Variants in NTF3 observed in about 807,000 individuals in gnomAD.
The protein encoded by NTF3 is neurotrophin 3, also known as neurotrophin-3.
A neutral mutation model predicts 26.3 loss-of-function variants in NTF3; 8 were observed. The ratio of observed to expected loss-of-function variants is 0.30; its 90% CI spans 0.18 to 0.55. NTF3 has a LOEUF of 0.55. Ranked by LOEUF, NTF3 falls within the 20% of genes least tolerant of loss-of-function variation. The pLI, the probability that NTF3 is intolerant of heterozygous loss-of-function variation, is 0.93. For synonymous variants in NTF3, 154 were observed against 145.5 expected, an observed-to-expected ratio of 1.06 and a Z score of -0.42; for missense variants, 276 against 352.9, an observed-to-expected ratio of 0.78 and a Z score of 1.75.
chr12:5,464,261 G>C (rs1940560478), intron 1 of NTF3, among the ~76,000 whole-genome samples: 1 of 152,226 alleles, frequency 6.6e-6, no homozygotes, highest in Non-Finnish European at 1.5e-5. Flanking sequence ...GGGTAGAGAT[G>C]CCTGCTAATC....
intron 1 of NTF3, among the ~76,000 whole-genome samples, chr12:5,467,069 A>C (rs1940599147): frequency 6.6e-6 from 1 of 152,020 alleles, no homozygotes; most frequent in South Asian, 2.1e-4. Flanking sequence ...GTCTCTACTA[A>C]AAATACAAAA....
At chr12:5,487,639 C>T (rs1434370516) in intron 1 of NTF3, among the ~76,000 whole-genome samples, 5 of 152,056 alleles carry the variant, frequency 3.3e-5, no homozygotes, top group Non-Finnish European at 5.9e-5. Context: ...GATCTTGGGC[C>T]GAGGATTGAC....
At chr12:5,438,110 T>C (rs1023459296) in intron 1 of NTF3, among the ~76,000 whole-genome samples, 1 of 151,916 alleles carries the variant, frequency 6.6e-6, no homozygotes, top group Non-Finnish European at 1.5e-5. Context: ...AGTGTAGATA[T>C]TACCTCATTC....
At chr12:5,475,801 A>T (rs1281371195) in intron 1 of NTF3, among the ~76,000 whole-genome samples, 1 of 151,724 alleles carries the variant, frequency 6.6e-6, no homozygotes, top group African/African-American at 2.4e-5. Context: ...ATGCCCCTGC[A>T]CTCTAGACTG....
intron 1 of NTF3, among the ~76,000 whole-genome samples, chr12:5,449,655 G>A (rs184633986): frequency 2.6e-5 from 4 of 152,102 alleles, no homozygotes; most frequent in African/African-American, 4.8e-5. Flanking sequence ...CTTGCCTTGC[G>A]GGAGTAAGAA....
chr12:5,487,236 T>C (rs1203115831), intron 1 of NTF3, among the ~76,000 whole-genome samples: 1 of 152,232 alleles, frequency 6.6e-6, no homozygotes, highest in Non-Finnish European at 1.5e-5. Flanking sequence ...CCTTCCTCCC[T>C]GGAGCGGCTG....
chr12:5,483,681 G>T (rs1299289953), intron 1 of NTF3, among the ~76,000 whole-genome samples: 29 of 152,204 alleles, frequency 1.9e-4, no homozygotes, highest in Admixed American at 1.9e-3. Flanking sequence ...GGGTTGAGTG[G>T]TATTTCTATT....
intron 1 of NTF3, among the ~76,000 whole-genome samples, chr12:5,457,951 C>T (rs1940473107): frequency 6.6e-6 from 1 of 152,130 alleles, no homozygotes; most frequent in Non-Finnish European, 1.5e-5. Flanking sequence ...CTCGTCACCA[C>T]TGCCGCTACG....
chr12:5,463,472 T>C (rs946010108), intron 1 of NTF3, among the ~76,000 whole-genome samples: 2 of 151,974 alleles, frequency 1.3e-5, no homozygotes, highest in Middle Eastern at 3.4e-3. Context: ...GTGGAGGAGG[T>C]AGCCTTTGTG....
At chr12:5,450,713 T>C (rs1436102924) in intron 1 of NTF3, among the ~76,000 whole-genome samples, 1 of 152,244 alleles carries the variant, frequency 6.6e-6, no homozygotes, top group East Asian at 1.9e-4. Context: ...ATCTCATTTT[T>C]GCAGACAAAG....
chr12:5,490,235 G>A (rs1940918146), intron 1 of NTF3, among the ~76,000 whole-genome samples: 1 of 152,160 alleles, frequency 6.6e-6, no homozygotes, highest in South Asian at 2.1e-4. Flanking sequence ...GCCCATGCAG[G>A]CTCTCCAGCC....
At chr12:5,476,303 T>C (rs1940723270) in intron 1 of NTF3, among the ~76,000 whole-genome samples, 3 of 152,278 alleles carry the variant, frequency 2.0e-5, no homozygotes, top group Middle Eastern at 6.8e-3. Context: ...AGCTCCTACC[T>C]GAAGGACTCT....
intron 1 of NTF3, among the ~76,000 whole-genome samples, chr12:5,467,265 T>TAAAAAA (rs1940604144): frequency 8.0e-5 from 5 of 62,136 alleles, no homozygotes; most frequent in Non-Finnish European, 1.6e-4. Flanking sequence ...AAAAAAAAAG[T>TAAAAAA]CGGGGGCTTG....
chr12:5,486,983 AAC>A (rs1940874392), intron 1 of NTF3, among the ~76,000 whole-genome samples: 1 of 151,902 alleles, frequency 6.6e-6, no homozygotes, highest in Non-Finnish European at 1.5e-5. Context: ...GAGTTACCAA[AAC>A]AAATACCACT....
intron 1 of NTF3, among the ~76,000 whole-genome samples, chr12:5,464,945 T>C (rs953858612): frequency 1.3e-5 from 2 of 152,162 alleles, no homozygotes; most frequent in Admixed American, 6.5e-5. Context: ...CATTCACAGG[T>C]GAAATGACAT....
At chr12:5,432,046 G>A (rs1024028835), upstream of NTF3, 12 of 309,442 alleles carry the variant, frequency 3.9e-5, no homozygotes, top group African/African-American at 2.4e-4. Context: ...GGGTTAAGGC[G>A]CTGAGCGCGG....
rs1437426553 is a variant in NTF3 at position 5,494,649 on chromosome 12, C to T, written c.474C>T (p.His158=). The T allele has an allele frequency of 6.2e-7, 1 of 1,614,132 alleles. No homozygotes were observed. Among genetic ancestry groups the T allele is most frequent in the East Asian group, 2.2e-5 (1 of 44,884 alleles). The change falls in exon 2 of 2, where the codon CAC becomes CAT. Residue 158 remains histidine (H), a synonymous_variant. Coordinates refer to ENST00000423158, the MANE Select transcript of NTF3 (RefSeq NM_001102654.2). This position sits in a 1 kb window ranked among gnomAD's most constrained non-coding sequence, Gnocchi z 8.3. ...AACGGTACGCGGAGCATAAGAGTCA[C>T]CGAGGGGAGTACTCGGTATGTGACA... The part of the protein sequence containing the change: ...RRKRYAEHKS[H]RGEYSVCDSE...
Position 5,432,138 on chromosome 12 carries a change from A to G in NTF3, c.-187A>G. ...GAGTTGAAGCTCCTCTCCCTTCCGA[A>G]CAGCTCCGCGCACCGCCCCGCGACG... On this transcript the variant is annotated 5_prime_UTR_variant, in exon 1 of 2. Transcript: ENST00000423158. 1 of 694,366 alleles carries G rather than the reference A, an allele frequency of 1.4e-6. No individual in the cohort carries two copies. Among genetic ancestry groups the G allele is most frequent in the Non-Finnish European group, 2.6e-6 (1 of 388,620 alleles). The allele number at this position is 694,366 out of a possible 1,614,324, so 43.0% of individuals were successfully genotyped here.
chr12:5,432,388 G>T, intron 1 of NTF3, 46 bp downstream of exon 1: 1 of 1,603,834 alleles, frequency 6.2e-7, no homozygotes. Flanking sequence ...TTTGGGGATG[G>T]GGGTCCACGT....
Sources: allele counts gnomAD v4.1 joint callset (sites outside exome capture counted in the v4.1 genomes callset), GRCh38; gene constraint gnomAD v4.1.1; non-coding constraint Gnocchi (gnomAD v3.1); transcripts MANE v1.5; gene names NCBI Gene and HGNC (gene_info 2026-07-23, HGNC 2026-07-21).